PIGL: variants seen among roughly 807,000 people sequenced by gnomAD.
PIGL encodes phosphatidylinositol glycan anchor biosynthesis class L.
Under a neutral mutation model 31.1 loss-of-function variants are expected in PIGL, and 22 were observed. The ratio of observed to expected loss-of-function variants is 0.71; its 90% CI spans 0.51 to 1.01. PIGL has a LOEUF of 1.01. PIGL is among the 50% of genes least tolerant of loss of function. The probability of loss-of-function intolerance (pLI) is 0.00; values close to 1 mark genes in which losing one functional copy is unlikely to be tolerated. For synonymous variants in PIGL, 131 were observed against 117.4 expected (o/e 1.12, Z -0.75); for missense variants, 302 against 315.9 (o/e 0.96, Z 0.33).
At chr17:16,230,799 C>G (rs915071732) in intron 1 of PIGL, among the ~76,000 whole-genome samples, 1 of 151,662 alleles carries the variant, frequency 6.6e-6, no homozygotes, top group Non-Finnish European at 1.5e-5. Flanking sequence ...CTCATAATCA[C>G]ATTTAATACA....
At chr17:16,217,552 C>A in intron 1 of PIGL, 91 bp downstream of exon 1, 2 of 1,006,836 alleles carry the variant, frequency 2.0e-6, no homozygotes, top group Non-Finnish European at 3.0e-6. Flanking sequence ...TCGAAGTTTT[C>A]CGTAGGGAGC....
intron 2 of PIGL, among the ~76,000 whole-genome samples, chr17:16,280,268 C>G (rs1206592338): frequency 6.6e-6 from 1 of 152,150 alleles, no homozygotes; most frequent in Non-Finnish European, 1.5e-5. Flanking sequence ...TTGAGAGAGG[C>G]TAAGGGTCCT....
intron 2 of PIGL, among the ~76,000 whole-genome samples, chr17:16,258,174 CTTTTTTTTTCTTTTT>C (rs1568803054): frequency 8.8e-6 from 1 of 113,460 alleles, no homozygotes; most frequent in African/African-American, 3.3e-5. Context: ...CGGAAGTAGA[CTTTTTTTTTCTTTTT>C]TTTTTTTTTA....
intron 6 of PIGL, among the ~76,000 whole-genome samples, chr17:16,318,712 C>T (rs1263923285): frequency 1.3e-5 from 2 of 151,210 alleles, no homozygotes; most frequent in East Asian, 4.0e-4. Flanking sequence ...GCGGGCAGAT[C>T]ACGAGGTCAG....
intron 2 of PIGL, among the ~76,000 whole-genome samples, chr17:16,276,216 A>T (rs2092894569): frequency 6.6e-6 from 1 of 152,218 alleles, no homozygotes; most frequent in Non-Finnish European, 1.5e-5. Flanking sequence ...TTCAAAGTAA[A>T]CTAAATAAGA....
intron 2 of PIGL, among the ~76,000 whole-genome samples, chr17:16,292,648 T>C (rs2092965886): frequency 6.6e-6 from 1 of 152,190 alleles, no homozygotes; most frequent in Non-Finnish European, 1.5e-5. Flanking sequence ...TAATTGATGA[T>C]AGGGAGGCTT....
chr17:16,268,111 C>G (rs2142763489), intron 2 of PIGL, among the ~76,000 whole-genome samples: 1 of 152,256 alleles, frequency 6.6e-6, no homozygotes, highest in Admixed American at 6.5e-5. Context: ...GGTACTTTGT[C>G]TAACCTGAGA....
At chr17:16,291,942 A>G (rs979181331) in intron 2 of PIGL, among the ~76,000 whole-genome samples, 27 of 152,236 alleles carry the variant, frequency 1.8e-4, no homozygotes, top group African/African-American at 6.3e-4. Flanking sequence ...AGCCTGGGCA[A>G]CATAGCAAGA....
rs200748104 is a variant in PIGL, at chr17:16,243,560, A to ACT, written c.335+9491_335+9492dup. Among the ~76,000 whole-genome samples the ACT allele has an allele frequency of 6.4e-3, 971 of 152,332 alleles. 18 individuals carry two copies. The highest frequency in any genetic ancestry group is 0.022 in the African/African-American group (902 of 41,574). ...TATACCAGTGGATTTATAGAGCCAG[A>ACT]CTGCCCAGACTGAAACCCAAGTTTA... On this transcript the variant is annotated intron_variant, in intron 2 of 6. Transcript: ENST00000225609.
chr17:16,293,703 TG>T (rs2092970178), intron 2 of PIGL, among the ~76,000 whole-genome samples: 1 of 152,222 alleles, frequency 6.6e-6, no homozygotes, highest in Admixed American at 6.5e-5. Flanking sequence ...AATTACTTAT[TG>T]TTTATTTATT....
chr17:16,235,033 C>A (rs2142681615), intron 2 of PIGL, among the ~76,000 whole-genome samples: 1 of 152,270 alleles, frequency 6.6e-6, no homozygotes, highest in South Asian at 2.1e-4. Context: ...AACTTAACAT[C>A]TTTTGTGTAT....
At chr17:16,303,474 C>A (rs2093013399) in intron 3 of PIGL, among the ~76,000 whole-genome samples, 1 of 151,986 alleles carries the variant, frequency 6.6e-6, no homozygotes, top group African/African-American at 2.4e-5. Context: ...TCAAGAGAAT[C>A]TTCAATTGAT....
chr17:16,259,510 C>CA (rs1270562942), intron 2 of PIGL, among the ~76,000 whole-genome samples: 3 of 151,122 alleles, frequency 2.0e-5, no homozygotes, highest in African/African-American at 7.3e-5. Context: ...TGTCTCTATT[C>CA]AAAAAAACAA....
chr17:16,238,674 G>C (rs920919161), intron 2 of PIGL, among the ~76,000 whole-genome samples: 6 of 150,938 alleles, frequency 4.0e-5, no homozygotes, highest in African/African-American at 1.5e-4. Flanking sequence ...ACTTTGGGAG[G>C]CCGAGGCAGG....
At chr17:16,236,914 A>G (rs1028054492) in intron 2 of PIGL, among the ~76,000 whole-genome samples, 1 of 151,662 alleles carries the variant, frequency 6.6e-6, no homozygotes. Context: ...TTTATAGTGG[A>G]CAGAGCTAAG....
At chr17:16,302,988 C>CT in intron 3 of PIGL, among the ~76,000 whole-genome samples, 1 of 152,144 alleles carries the variant, frequency 6.6e-6, no homozygotes, top group African/African-American at 2.4e-5. Context: ...TTGGTCTTTG[C>CT]CGAGGGGCCA....
chr17:16,301,499 G>A (rs1011768230), intron 3 of PIGL, among the ~76,000 whole-genome samples: 4 of 151,348 alleles, frequency 2.6e-5, no homozygotes, highest in African/African-American at 4.9e-5. Flanking sequence ...TCCTGACCTC[G>A]TGATCTGCCT....
intron 2 of PIGL, among the ~76,000 whole-genome samples, chr17:16,240,464 C>T (rs779771369): frequency 1.3e-5 from 2 of 152,068 alleles, no homozygotes; most frequent in Admixed American, 6.6e-5. Flanking sequence ...GGATGTGAGC[C>T]ACCACGCGCA....
At chr17:16,238,986 A>G (rs532494268) in intron 2 of PIGL, among the ~76,000 whole-genome samples, 2 of 145,900 alleles carry the variant, frequency 1.4e-5, no homozygotes, top group South Asian at 4.5e-4. Flanking sequence ...CAGATGATCC[A>G]TCCGCCTTGG....
Sources: gnomAD v4.1 joint callset for allele counts (sites outside exome capture counted in the v4.1 genomes callset) on GRCh38, gnomAD v4.1.1 for gene constraint, MANE v1.5 for transcripts, NCBI Gene and HGNC (gene_info 2026-07-23, HGNC 2026-07-21) for gene names.